The following HMGCLL1 variants were observed in gnomAD, a reference collection of about 807,000 sequenced individuals.
The protein encoded by HMGCLL1 is 3-hydroxymethyl-3-methylglutaryl-CoA lyase, cytoplasmic.
Under a neutral mutation model 39.1 loss-of-function variants are expected in HMGCLL1, and 36 were observed. The ratio of observed to expected loss-of-function variants is 0.92; its 90% confidence interval spans 0.71 to 1.22. HMGCLL1 has a LOEUF of 1.22. Among genes scored for constraint, HMGCLL1 ranks in the 50% most tolerant of loss-of-function variants. HMGCLL1 has a pLI of 0.00. For synonymous variants in HMGCLL1, 149 were observed against 144.0 expected (o/e 1.03, Z -0.25); for missense variants, 451 against 416.5 (o/e 1.08, Z -0.72).
At chr6:55,670,012 G>C in the HMGCLL1 span, among the ~76,000 whole-genome samples, 6 of 151,712 alleles carry the variant, frequency 4.0e-5, no homozygotes, top group Non-Finnish European at 7.4e-5. Flanking sequence ...ATTACAAATA[G>C]AATCAATCCT....
In HMGCLL1 at chr6:55,546,100, A is replaced by C. The variant is rs953643959; in HGVS notation, c.109-3960T>G. 5.9e-5 allele frequency among the ~76,000 whole-genome samples: 9 copies of C among 152,272 alleles called. 1 individual carries two copies. Among genetic ancestry groups the C allele is most frequent in the Admixed American group, 3.3e-4 (5 of 15,278 alleles). ...ATTCTTGAAAAGATATTCTCAAAGAAAGGCAATCAGTGCCTTGCTAATAAA... is the reference window on the plus strand; with the variant it reads ...ATTCTTGAAAAGATATTCTCAAAGACAGGCAATCAGTGCCTTGCTAATAAA... On this transcript the variant is annotated intron_variant, in intron 1 of 8. Transcript: ENST00000274901.
intron 7 of HMGCLL1, among the ~76,000 whole-genome samples, chr6:55,461,529 T>A (rs1764565705): frequency 1.3e-5 from 2 of 152,084 alleles, no homozygotes. Flanking sequence ...ATACTTGGAA[T>A]AAGGTAAGAA....
the HMGCLL1 span, among the ~76,000 whole-genome samples, chr6:55,605,382 C>T: frequency 2.0e-5 from 3 of 151,712 alleles, no homozygotes; most frequent in Non-Finnish European, 4.4e-5. Flanking sequence ...AACTGCATCA[C>T]AGTACCTGTT....
the HMGCLL1 span, among the ~76,000 whole-genome samples, chr6:55,595,296 A>C: frequency 9.2e-5 from 14 of 152,342 alleles, no homozygotes; most frequent in African/African-American, 3.4e-4. Context: ...TCATTTAGAT[A>C]AATGACTATT....
At chr6:55,592,534 T>G in the HMGCLL1 span, among the ~76,000 whole-genome samples, 32 of 152,190 alleles carry the variant, frequency 2.1e-4, no homozygotes, top group Non-Finnish European at 4.1e-4. Context: ...AATTCTTTGT[T>G]GTGGGTGGTG....
chr6:55,537,905 C>A (rs1769122455), intron 3 of HMGCLL1, among the ~76,000 whole-genome samples: 2 of 152,088 alleles, frequency 1.3e-5, no homozygotes, highest in South Asian at 4.1e-4. Flanking sequence ...GGGAACAAAC[C>A]TAGAATAAAT....
intron 7 of HMGCLL1, among the ~76,000 whole-genome samples, chr6:55,440,624 C>A (rs182671143): frequency 2.6e-5 from 4 of 152,190 alleles, no homozygotes; most frequent in Non-Finnish European, 5.9e-5. Context: ...TAATCCGATT[C>A]TTCACTCTTG....
chr6:55,556,352 G>A (rs1364344170), intron 1 of HMGCLL1, among the ~76,000 whole-genome samples: 1 of 152,092 alleles, frequency 6.6e-6, no homozygotes, highest in Non-Finnish European at 1.5e-5. Flanking sequence ...TAAGTGGTGG[G>A]GATGACTGCA....
At chr6:55,475,435 A>T (rs1201763773) in intron 7 of HMGCLL1, among the ~76,000 whole-genome samples, 1 of 151,568 alleles carries the variant, frequency 6.6e-6, no homozygotes, top group Non-Finnish European at 1.5e-5. Context: ...AGTTAAGAAG[A>T]TCTCAAATCT....
rs1157864475 is a variant in HMGCLL1, at chr6:55,472,016, A to G, written c.795+23403T>C. 2.6e-5 allele frequency among the ~76,000 whole-genome samples: 4 copies of G among 151,744 alleles called. No individual in the cohort carries two copies. The East Asian group carries it at 5.8e-4, about 22-fold the overall frequency. The stretch of plus-strand genomic sequence containing the variant: ...TAGCAGTTTTTCATTCTCATAAGTG[A>G]TACATATATTCAGAATCTATGTACA... On this transcript the variant is annotated intron_variant, in intron 7 of 8. Transcript: ENST00000274901.
chr6:55,536,411 T>C (rs1769028995), intron 3 of HMGCLL1, among the ~76,000 whole-genome samples: 1 of 152,234 alleles, frequency 6.6e-6, no homozygotes, highest in South Asian at 2.1e-4. Flanking sequence ...TTTAATCACT[T>C]GTGAATAAAA....
At chr6:55,494,048 C>A (rs1248048712) in intron 7 of HMGCLL1, among the ~76,000 whole-genome samples, 1 of 151,984 alleles carries the variant, frequency 6.6e-6, no homozygotes, top group African/African-American at 2.4e-5. Context: ...CCTTCTCATT[C>A]TTTAGATATG....
At chr6:55,677,970 C>G in the HMGCLL1 span, among the ~76,000 whole-genome samples, 3 of 152,148 alleles carry the variant, frequency 2.0e-5, no homozygotes, top group Admixed American at 1.3e-4. Flanking sequence ...TGTTGATTAC[C>G]TAACCCCAGG....
the HMGCLL1 span, among the ~76,000 whole-genome samples, chr6:55,602,939 A>T: frequency 1.3e-5 from 2 of 152,110 alleles, no homozygotes; most frequent in African/African-American, 4.8e-5. Context: ...TACTCCAGAA[A>T]TTTTGATTTT....
the HMGCLL1 span, among the ~76,000 whole-genome samples, chr6:55,589,606 C>T: frequency 6.6e-6 from 1 of 152,132 alleles, no homozygotes; most frequent in Non-Finnish European, 1.5e-5. Context: ...AAGAGGAAGT[C>T]AAGTTGTCCC....
Position 55,577,156 on chromosome 6 carries a change from TAGAAG to T in HMGCLL1, c.108+1787_108+1791del, listed in dbSNP as rs777329944. 3.1e-6 allele frequency: 5 copies of T among 1,593,026 alleles called. No homozygotes were observed. The South Asian group carries it at 4.5e-5, about 14-fold the overall frequency. ...CGGGCTGAAAGCAGTGAAGGTTTGT[TAGAAG>T]AGAAGTCTAGGAAGATAAAGTTCAA... On this transcript the variant is annotated intron_variant, in intron 1 of 8. Transcript: ENST00000274901.
At chr6:55,587,867 A>T in the HMGCLL1 span, among the ~76,000 whole-genome samples, 3 of 152,306 alleles carry the variant, frequency 2.0e-5, no homozygotes, top group Non-Finnish European at 4.4e-5. Flanking sequence ...TCCTAAATAT[A>T]TATGCACCCA....
the HMGCLL1 span, among the ~76,000 whole-genome samples, chr6:55,624,346 T>G: frequency 6.6e-6 from 1 of 152,308 alleles, no homozygotes; most frequent in South Asian, 2.1e-4. Flanking sequence ...GTGGTTTCAT[T>G]GCTTGAGCAA....
At chr6:55,649,824 C>G in the HMGCLL1 span, among the ~76,000 whole-genome samples, 2 of 151,644 alleles carry the variant, frequency 1.3e-5, no homozygotes, top group East Asian at 3.9e-4. Flanking sequence ...AACCTCTCTT[C>G]AAGCTCACTA....
Sources: allele counts gnomAD v4.1 joint callset (sites outside exome capture counted in the v4.1 genomes callset), GRCh38; gene constraint gnomAD v4.1.1; transcripts MANE v1.5; gene names NCBI Gene and HGNC (gene_info 2026-07-23, HGNC 2026-07-21).